The following OR2L5 variants were observed in gnomAD, a reference collection of about 807,000 sequenced individuals.
The protein encoded by OR2L5 is olfactory receptor family 2 subfamily L member 5.
For missense variants in OR2L5, 413 were observed against 381.6 expected (o/e 1.08, Z -0.69); for synonymous variants, 169 against 142.0 (o/e 1.19, Z -1.35).
At chr1:248,019,962 A>AT (rs1271398846) in intron 1 of OR2L5, among the ~76,000 whole-genome samples, 1 of 151,934 alleles carries the variant, frequency 6.6e-6, no homozygotes, top group Admixed American at 6.6e-5. Context: ...TAATTTTTGT[A>AT]TTTTTTGTAG....
chr1:248,021,852 T>C (rs1464830790), intron 1 of OR2L5, 75 bp from the exon 2 acceptor site: 1 of 900,832 alleles, frequency 1.1e-6, no homozygotes, highest in African/African-American at 1.7e-5. Flanking sequence ...AGGCATTCAC[T>C]GGAGGCCTTG....
Position 248,022,748 on chromosome 1 carries a change from G to A in OR2L5, c.801G>A (p.Leu267=). Residue 267 remains leucine (L), a synonymous_variant, in exon 2 of 2, where the codon CTG becomes CTA. Transcript: ENST00000355281. ...TYLCPRSLRS[L]TEDKVLAVFY... ...TATGTCCAAGATCCCTGCGATCTCT[G>A]ACAGAGGACAAGGTTCTGGCTGTTT... 3 of 1,614,040 alleles carry A rather than the reference G, an allele frequency of 1.9e-6. No individual in the cohort carries two copies. The highest frequency in any genetic ancestry group is 1.1e-5 in the South Asian group (1 of 91,080).
chr1:248,017,036 C>T lies in OR2L5; in HGVS notation c.-22+3298C>T, dbSNP rs116316485. ...TTATCGTTCCTTTCATGTATGATGC[C>T]TCCCGGGTTGAAGTTTTGCTTTTCC... On this transcript the variant is annotated intron_variant, in intron 1 of 1. Transcript: ENST00000355281. Among the ~76,000 whole-genome samples the T allele has an allele frequency of 2.5e-3, 387 of 152,218 alleles. 2 individuals carry two copies. The highest frequency in any genetic ancestry group is 0.01 in the Middle Eastern group (3 of 294).
At position 248,022,889 on chromosome 1, in the gene OR2L5, A is replaced by C. The variant is rs779686153; in HGVS notation, c.*3A>C. 6.3e-6 allele frequency: 10 copies of C among 1,598,970 alleles called. No homozygotes were observed. Among genetic ancestry groups the C allele is most frequent in the Non-Finnish European group, 6.8e-6 (8 of 1,172,854 alleles). ...ATATCTTCTCGGTGAAAATGTAGAC[A>C]TACGTTCTGTGTTAGAGTCAAAGCG... On this transcript the variant is annotated 3_prime_UTR_variant, in exon 2 of 2. Transcript: ENST00000355281.
chr1:248,018,246 C>T (rs1034552987), intron 1 of OR2L5, among the ~76,000 whole-genome samples: 1 of 152,036 alleles, frequency 6.6e-6, no homozygotes, highest in Admixed American at 6.5e-5. Context: ...GATGTGCCGT[C>T]TATTATTCTG....
chr1:248,017,451 G>A (rs1001432288), intron 1 of OR2L5, among the ~76,000 whole-genome samples: 1 of 152,182 alleles, frequency 6.6e-6, no homozygotes, highest in Non-Finnish European at 1.5e-5. Flanking sequence ...ATATCGTAAC[G>A]TCACAAAATA....
In OR2L5 at chr1:248,022,184, G is replaced by A. The variant is rs774136039; in HGVS notation, c.237G>A (p.Lys79=). 1.9e-6 allele frequency: 3 copies of A among 1,613,896 alleles called. No homozygotes were observed. The South Asian group carries it at 3.3e-5, about 18-fold the overall frequency. ...ATTACATCTCTACGATTGTTCCTAA[G>A]ATGGCTTCTGATTTTCTGTATGGAA... The part of the protein sequence containing the change: ...DLNYISTIVP[K]MASDFLYGNK... Residue 79 remains lysine, a synonymous_variant, in exon 2 of 2, where the codon AAG becomes AAA. Transcript: ENST00000355281.
In OR2L5 at chr1:248,022,737, CT is replaced by C; in HGVS notation, c.791del (p.Leu264ArgfsTer4). The C allele has an allele frequency of 5.0e-6, 8 of 1,614,134 alleles. No homozygotes were observed. Among genetic ancestry groups the C allele is most frequent in the Non-Finnish European group, 5.9e-6 (7 of 1,180,016 alleles). On this transcript the variant is annotated frameshift_variant, in exon 2 of 2. Transcript: ENST00000355281. LOFTEE classifies it low-confidence loss of function (END_TRUNC). Reference protein sequence around the residue: ...FAYTYLCPRSLRSLTEDKVLA... With the variant: ...FAYTYLCPRSXRSLTEDKVLA... ...TTATACCTATCTATGTCCAAGATCC[CT>C]GCGATCTCTGACAGAGGACAAGGTT...
At chr1:248,017,287 A>C (rs1403577074) in intron 1 of OR2L5, among the ~76,000 whole-genome samples, 4 of 152,250 alleles carry the variant, frequency 2.6e-5, no homozygotes, top group Non-Finnish European at 5.9e-5. Flanking sequence ...TAAGAAAAAA[A>C]TGTCCTCTTC....
rs192394475 is a variant in OR2L5, at chr1:248,021,815, A to G, written c.-21-112A>G. On this transcript the variant is annotated intron_variant, in intron 1 of 1. Transcript: ENST00000355281. ...TTGATGGATATAAAAAATAGTGTATATAGGGTTCAGTGTCAACTGCAATTT... is the reference window on the plus strand; with the variant it reads ...TTGATGGATATAAAAAATAGTGTATGTAGGGTTCAGTGTCAACTGCAATTT... The G allele has an allele frequency of 1.7e-4, 107 of 644,644 alleles. 3 individuals are homozygous for G. In the East Asian group the frequency reaches 2.7e-3, roughly 16 times the overall value. The allele number at this position is 644,644 out of a possible 1,614,324, so 39.9% of individuals were successfully genotyped here. A position where few individuals can be genotyped will look rare whatever the true frequency, so the allele number is the denominator to read the frequency against.
Position 248,023,447 on chromosome 1 carries a change from A to G in OR2L5, c.*561A>G, listed in dbSNP as rs1380507819. On this transcript the variant is annotated 3_prime_UTR_variant, in exon 2 of 2. Transcript: ENST00000355281. The stretch of plus-strand genomic sequence containing the variant: ...AAAGATTCTATGGAATTTACCTTCT[A>G]TAGAACCTCTTAGACTACAGTTGAC... The G allele has an allele frequency of 3.3e-5, 5 of 152,416 alleles. No individual in the cohort carries two copies. Among genetic ancestry groups the G allele is most frequent in the African/African-American group, 4.8e-5 (2 of 41,444 alleles). The allele number at this position is 152,416 out of a possible 1,614,324, so 9.4% of individuals were successfully genotyped here.
intron 1 of OR2L5, among the ~76,000 whole-genome samples, 154 bp from the exon 2 acceptor site, chr1:248,021,773 A>T: frequency 6.6e-6 from 1 of 152,350 alleles, no homozygotes; most frequent in Non-Finnish European, 1.5e-5. Flanking sequence ...TTTATAAATT[A>T]AAATTTATAA....
rs570118356 is a variant in OR2L5, at chr1:248,014,746, G to A, written c.-22+1008G>A. Among the ~76,000 whole-genome samples the A allele has an allele frequency of 2.6e-4, 40 of 152,148 alleles. 1 individual carries two copies. Among genetic ancestry groups the A allele is most frequent in the Admixed American group, 1.9e-3 (29 of 15,274 alleles). On this transcript the variant is annotated intron_variant, in intron 1 of 1. Coordinates refer to ENST00000355281, the MANE Select transcript of OR2L5 (RefSeq NM_001258284.2). ...TGATACACCCAGTCAAGTAATACAC[G>A]GTCACTATGTCACAGACAGCTCCTA...
chr1:248,023,083 C>A lies in OR2L5; in HGVS notation c.*197C>A. The stretch of plus-strand genomic sequence containing the variant: ...TGTTTCTGTTTGTGTTTCTTTTTAT[C>A]AAAAGACAGATCATATATTTTACAC... On this transcript the variant is annotated 3_prime_UTR_variant, in exon 2 of 2. Coordinates refer to ENST00000355281, the MANE Select transcript of OR2L5 (RefSeq NM_001258284.2). 2 of 494,564 alleles carry A rather than the reference C, an allele frequency of 4.0e-6. No individual in the cohort carries two copies. Among genetic ancestry groups the A allele is most frequent in the East Asian group, 3.4e-5 (1 of 29,708 alleles). The allele number at this position is 494,564 out of a possible 1,614,324, so 30.6% of individuals were successfully genotyped here.
At chr1:248,019,223 C>T (rs144392980) in intron 1 of OR2L5, among the ~76,000 whole-genome samples, 1 of 151,972 alleles carries the variant, frequency 6.6e-6, no homozygotes, top group Admixed American at 6.6e-5. Context: ...TCCAGAAATA[C>T]AATATTTTGA....
chr1:248,015,664 G>C (rs1016795562), intron 1 of OR2L5, among the ~76,000 whole-genome samples: 1 of 152,042 alleles, frequency 6.6e-6, no homozygotes, highest in East Asian at 1.9e-4. Flanking sequence ...CTAGATTTTT[G>C]CAAAATCTGG....
In OR2L5 at chr1:248,022,913, C is replaced by T. The variant is rs770900312; in HGVS notation, c.*27C>T. ...CATACGTTCTGTGTTAGAGTCAAAG[C>T]GCTAGGTTCATATCAACTCAGCAGT... On this transcript the variant is annotated 3_prime_UTR_variant, in exon 2 of 2. Coordinates refer to ENST00000355281, the MANE Select transcript of OR2L5 (RefSeq NM_001258284.2). 74 of 1,569,064 alleles carry T rather than the reference C, an allele frequency of 4.7e-5. No individual in the cohort carries two copies. Among genetic ancestry groups the T allele is most frequent in the African/African-American group, 2.2e-4 (16 of 73,210 alleles).
At chr1:248,017,933 T>G (rs80069717) in intron 1 of OR2L5, among the ~76,000 whole-genome samples, 4,810 of 151,988 alleles carry the variant, frequency 0.032, 231 homozygotes, top group African/African-American at 0.11. Context: ...AAAAATACAT[T>G]CGTATCGAGA....
At chr1:248,020,634 T>G (rs1353848560) in intron 1 of OR2L5, among the ~76,000 whole-genome samples, 1 of 152,070 alleles carries the variant, frequency 6.6e-6, no homozygotes, top group Non-Finnish European at 1.5e-5. Flanking sequence ...GTGGCAGACA[T>G]TAAAAACCAA....
Sources: gnomAD v4.1 joint callset for allele counts (sites outside exome capture counted in the v4.1 genomes callset) on GRCh38, gnomAD v4.1.1 for gene constraint, MANE v1.5 for transcripts, NCBI Gene and HGNC (gene_info 2026-07-23, HGNC 2026-07-21) for gene names.